The following ANGPT4 variants were observed in gnomAD, a reference collection of about 807,000 sequenced individuals.
The protein encoded by ANGPT4 is angiopoietin-4.
A neutral mutation model predicts 53.0 loss-of-function variants in ANGPT4; 50 were observed. The observed-to-expected ratio is 0.94, with a 90% CI of 0.75 to 1.20. The LOEUF (loss-of-function observed/expected upper bound fraction) is 1.20. Ranked by LOEUF, ANGPT4 falls within the 50% of genes most tolerant of loss-of-function variation. ANGPT4 has a pLI of 0.00. For missense variants in ANGPT4, 648 were observed against 637.1 expected, an observed-to-expected ratio of 1.02 and a Z score of -0.18; for synonymous variants, 251 against 259.7, an observed-to-expected ratio of 0.97 and a Z score of 0.32.
chr20:912,210 G>A (rs904166389), intron 1 of ANGPT4, among the ~76,000 whole-genome samples: 7 of 152,200 alleles, frequency 4.6e-5, no homozygotes, highest in Non-Finnish European at 8.8e-5. Context: ...GCAACTGGGG[G>A]AATGGCAGTC....
intron 8 of ANGPT4, among the ~76,000 whole-genome samples, chr20:873,494 T>C (rs1334397634): frequency 6.6e-6 from 1 of 151,914 alleles, no homozygotes; most frequent in Non-Finnish European, 1.5e-5. Context: ...TCTCTGAGTC[T>C]CTCACTCTCC....
chr20:916,145 G>A lies in ANGPT4; in HGVS notation c.70C>T (p.Gln24Ter). Residue 24 changes from glutamine (Q) to a stop codon, truncating the protein, a stop_gained, in exon 1 of 9, where the codon CAG (glutamine) becomes TAG (stop). Coordinates refer to ENST00000381922, the MANE Select transcript of ANGPT4 (RefSeq NM_015985.4). LOFTEE classifies it high-confidence loss of function. ...CCCCTATCCGCCTCCTGCCTTGTCT[G>A]TTGAGCCACAGACATGGTGGCAACC... ...LVVATMSVAQ[Q>*]TRQEADRGCE... 1 of 1,614,174 alleles carries A rather than the reference G, an allele frequency of 6.2e-7. No homozygotes were observed. Among genetic ancestry groups the A allele is most frequent in the African/African-American group, 1.3e-5 (1 of 75,068 alleles).
At chr20:890,802 C>T (rs931056931) in intron 1 of ANGPT4, among the ~76,000 whole-genome samples, 5 of 152,174 alleles carry the variant, frequency 3.3e-5, no homozygotes, top group Admixed American at 6.5e-5. Flanking sequence ...ACTTCAATCC[C>T]GATGCAATGG....
chr20:896,107 T>C (rs557349585), intron 1 of ANGPT4, among the ~76,000 whole-genome samples: 69 of 152,322 alleles, frequency 4.5e-4, no homozygotes, highest in African/African-American at 1.5e-3. Flanking sequence ...GCCGCAGATA[T>C]ACATATGTAA....
At chr20:901,568 T>C (rs187816094) in intron 1 of ANGPT4, among the ~76,000 whole-genome samples, 12 of 152,324 alleles carry the variant, frequency 7.9e-5, no homozygotes, top group South Asian at 4.1e-4. Context: ...CAAAGCCTGT[T>C]TGGTGGTCTC....
intron 1 of ANGPT4, among the ~76,000 whole-genome samples, chr20:892,989 C>G (rs568140174): frequency 3.3e-5 from 5 of 152,298 alleles, no homozygotes; most frequent in Admixed American, 6.5e-5. Context: ...CCTCCTAGCC[C>G]CTAACCACCC....
chr20:906,725 A>G (rs766641922), intron 1 of ANGPT4, among the ~76,000 whole-genome samples: 11 of 152,166 alleles, frequency 7.2e-5, no homozygotes, highest in East Asian at 1.9e-4. Flanking sequence ...CTGTGGCTCA[A>G]TGCAGACTGA....
Position 874,291 on chromosome 20 carries a change from C to T in ANGPT4, c.1344G>A (p.Met448Ile), listed in dbSNP as rs575888416. 3 of 1,614,070 alleles carry T rather than the reference C, an allele frequency of 1.9e-6. No individual in the cohort carries two copies. In the Admixed American group the frequency reaches 5.0e-5, roughly 27 times the overall value. ...DHCLCKCAQVMSGGWWFDACG... is the reference protein window; with the variant it reads ...DHCLCKCAQVISGGWWFDACG... ...ACCCCACCCTGCACCTACCTCCAGA[C>T]ATCACTTGGGCACACTTGCAGAGAC... The change falls in exon 8 of 9, where the codon ATG becomes ATA. Residue 448 changes from methionine to isoleucine, a missense_variant. By Grantham distance (10) the Met-to-Ile change is conservative (BLOSUM62 1). Transcript: ENST00000381922.
At chr20:909,917 T>C (rs1461049905) in intron 1 of ANGPT4, among the ~76,000 whole-genome samples, 1 of 152,198 alleles carries the variant, frequency 6.6e-6, no homozygotes, top group Non-Finnish European at 1.5e-5. Flanking sequence ...CCTACCTGAA[T>C]CATCCCTGGC....
In ANGPT4 at chr20:900,755, T is replaced by C. The variant is rs536519560; in HGVS notation, c.310-10387A>G. On this transcript the variant is annotated intron_variant, in intron 1 of 8. Transcript: ENST00000381922. The stretch of plus-strand genomic sequence containing the variant: ...CAATCTGGCCTGGTATATGACAACA[T>C]AAAAAAACTCAAGGACAGAGCCCAA... Among the ~76,000 whole-genome samples, 23 of 152,252 alleles carry C rather than the reference T, an allele frequency of 1.5e-4. No individual in the cohort carries two copies. In the South Asian group the frequency reaches 4.6e-3, roughly 30 times the overall value.
rs1198174141 is a variant in ANGPT4 at position 908,913 on chromosome 20, G to C, written c.309+6993C>G. ...GAGAGGAGAAACAGGGGTCTCAGCTGGGTGTCAGGAACCCTGGGTTCTGGG... is the reference window on the plus strand; with the variant it reads ...GAGAGGAGAAACAGGGGTCTCAGCTCGGTGTCAGGAACCCTGGGTTCTGGG... On this transcript the variant is annotated intron_variant, in intron 1 of 8. Transcript: ENST00000381922. This position sits in a 1 kb window ranked among gnomAD's most constrained non-coding sequence, Gnocchi z 4.9. Among the ~76,000 whole-genome samples the C allele has an allele frequency of 6.6e-6, 1 of 152,114 alleles. No individual in the cohort carries two copies. The highest frequency in any genetic ancestry group is 2.4e-5 in the African/African-American group (1 of 41,414).
At chr20:880,507 G>A (rs748428604) in intron 5 of ANGPT4, among the ~76,000 whole-genome samples, 4 of 151,772 alleles carry the variant, frequency 2.6e-5, no homozygotes, top group Admixed American at 1.3e-4. Context: ...AGGATCACTC[G>A]AGCCCAGGAG....
At chr20:902,448 A>G (rs937355433) in intron 1 of ANGPT4, among the ~76,000 whole-genome samples, 1 of 152,178 alleles carries the variant, frequency 6.6e-6, no homozygotes, top group Non-Finnish European at 1.5e-5. Flanking sequence ...CAGGGCCTGC[A>G]GCTTTGTCAC....
intron 3 of ANGPT4, 149 bp from the exon 4 acceptor site, chr20:885,474 G>T: frequency 8.2e-7 from 1 of 1,225,070 alleles, no homozygotes; most frequent in Non-Finnish European, 1.1e-6. Context: ...CACAGATTGA[G>T]GAGGGGAGAA....
intron 1 of ANGPT4, among the ~76,000 whole-genome samples, chr20:913,337 G>GTC (rs1982781214): frequency 6.6e-6 from 1 of 152,170 alleles, no homozygotes; most frequent in Admixed American, 6.5e-5. Flanking sequence ...GGGACCAGGA[G>GTC]TGTCAGAGGG....
intron 1 of ANGPT4, among the ~76,000 whole-genome samples, chr20:898,357 G>A (rs988979909): frequency 6.6e-6 from 1 of 152,148 alleles, no homozygotes; most frequent in African/African-American, 2.4e-5. Context: ...AAGGTGGCTT[G>A]AGCTGAAGGC....
rs1010346349 is a variant in ANGPT4 at position 878,258 on chromosome 20, C to T, written c.1123G>A (p.Ala375Thr). The change falls in exon 7 of 9, where the codon GCC becomes ACC. Residue 375 changes from alanine to threonine, a missense_variant. Ala to Thr is a moderately conservative substitution (Grantham distance 58). Transcript: ENST00000381922. ...TGCAGCTCCACACGCAGAGAGTAGG[C>T]TGCCCTTCTGGTGAGCTGGTGCACC... ...EVVHQLTRRAAYSLRVELQDW... is the reference protein window; with the variant it reads ...EVVHQLTRRATYSLRVELQDW... The T allele has an allele frequency of 1.2e-6, 2 of 1,613,320 alleles. No homozygotes were observed. The highest frequency in any genetic ancestry group is 1.7e-6 in the Non-Finnish European group (2 of 1,179,276).
rs551764844 is a variant in ANGPT4 at position 880,700 on chromosome 20, G to A, written c.951+471C>T. ...GCTCTTCTCTGTCACCCTTCTTATC[G>A]GATGACTTGACCTTAAATTTTAGGA... On this transcript the variant is annotated intron_variant, in intron 5 of 8. Coordinates refer to ENST00000381922, the MANE Select transcript of ANGPT4 (RefSeq NM_015985.4). 1.1e-3 allele frequency among the ~76,000 whole-genome samples: 163 copies of A among 152,188 alleles called. 1 individual carries two copies. The highest frequency in any genetic ancestry group is 3.3e-3 in the African/African-American group (138 of 41,534).
chr20:892,701 G>A (rs773057062), intron 1 of ANGPT4, among the ~76,000 whole-genome samples: 36 of 151,988 alleles, frequency 2.4e-4, no homozygotes, highest in African/African-American at 5.3e-4. Flanking sequence ...GCCTTTTGGC[G>A]TCTCACTGTT....
Sources: gnomAD v4.1 joint callset for allele counts (sites outside exome capture counted in the v4.1 genomes callset) on GRCh38, gnomAD v4.1.1 for gene constraint, Gnocchi (gnomAD v3.1) non-coding constraint, MANE v1.5 for transcripts, NCBI Gene and HGNC (gene_info 2026-07-23, HGNC 2026-07-21) for gene names.